WDR1: variants seen among roughly 807,000 people sequenced by gnomAD.
The protein encoded by WDR1 is WD repeat-containing protein 1.
A neutral mutation model predicts 71.9 loss-of-function variants in WDR1; 21 were observed. That is an observed-to-expected ratio of 0.29 (90% CI 0.21 to 0.42). WDR1 has a LOEUF of 0.42. WDR1 is among the 10% of genes least tolerant of loss of function. The pLI is 1.00. For synonymous variants in WDR1, 424 were observed against 347.4 expected (o/e 1.22, Z -2.45); for missense variants, 696 against 824.5 (o/e 0.84, Z 1.91).
At chr4:10,090,779 G>A (rs1711922231) in intron 5 of WDR1, among the ~76,000 whole-genome samples, 1 of 152,250 alleles carries the variant, frequency 6.6e-6, no homozygotes, top group Non-Finnish European at 1.5e-5. Context: ...CTGACAAGGG[G>A]AGTCCCAGTG....
chr4:10,077,997 G>A (rs958413761), intron 12 of WDR1, 71 bp from the exon 13 acceptor site: 8 of 1,466,898 alleles, frequency 5.5e-6, no homozygotes, highest in Admixed American at 5.0e-5. Flanking sequence ...TGTGAAGGGG[G>A]GGTCGAGGGC....
At chr4:10,087,679 G>T (rs1172240150) in intron 8 of WDR1, 28 bp downstream of exon 8, 1 of 1,547,592 alleles carries the variant, frequency 6.5e-7, no homozygotes, top group Admixed American at 2.0e-5. Flanking sequence ...CACCCAGCGG[G>T]CAGAGCCTTC....
chr4:10,106,664 G>A (rs185196295), intron 2 of WDR1: 1 of 152,342 alleles, frequency 6.6e-6, no homozygotes, highest in African/African-American at 2.4e-5. Flanking sequence ...TCCCCTAAAT[G>A]GTCAGGGCTG....
At chr4:10,095,898 T>C (rs796413780) in intron 5 of WDR1, 22 of 152,384 alleles carry the variant, frequency 1.4e-4, no homozygotes, top group African/African-American at 4.8e-4. Context: ...GCAGGGCCCA[T>C]GGTTGTGGGT....
At chr4:10,093,268 T>C in intron 5 of WDR1, 2 of 608,252 alleles carry the variant, frequency 3.3e-6, no homozygotes, top group South Asian at 1.7e-5. Context: ...CCTTAGGCTG[T>C]TCACATGCCT....
chr4:10,090,016 GAC>G (rs1711866004), intron 5 of WDR1, among the ~76,000 whole-genome samples: 1 of 152,156 alleles, frequency 6.6e-6, no homozygotes, highest in African/African-American at 2.4e-5. Context: ...GGGAAATCTG[GAC>G]ACAGATACAG....
At chr4:10,115,991 G>A (rs1225057427) in intron 2 of WDR1, 122 bp downstream of exon 2, 1 of 1,362,636 alleles carries the variant, frequency 7.3e-7, no homozygotes, top group Non-Finnish European at 1.0e-6. Context: ...CGGTAGAGGG[G>A]GCGTGGCGCC....
chr4:10,104,105 G>A (rs953857455), intron 2 of WDR1, 119 bp from the exon 3 acceptor site: 156 of 1,104,666 alleles, frequency 1.4e-4, no homozygotes, highest in African/African-American at 6.2e-5. Context: ...AGCTAAAACC[G>A]TGAAGAAAAC....
intron 2 of WDR1, among the ~76,000 whole-genome samples, chr4:10,108,954 T>C (rs1408863137): frequency 2.0e-5 from 3 of 152,102 alleles, no homozygotes; most frequent in Non-Finnish European, 4.4e-5. Context: ...GACACCAGAG[T>C]GGGGAAGGTT....
chr4:10,104,140 G>A (rs1487965977), intron 2 of WDR1, among the ~76,000 whole-genome samples, 154 bp from the exon 3 acceptor site: 2 of 152,200 alleles, frequency 1.3e-5, no homozygotes, highest in African/African-American at 4.8e-5. Context: ...ACTTGCCTAC[G>A]TATCTACTGC....
chr4:10,098,499 A>G (rs1712492482), intron 4 of WDR1, among the ~76,000 whole-genome samples: 1 of 152,090 alleles, frequency 6.6e-6, no homozygotes, highest in African/African-American at 2.4e-5. Flanking sequence ...TTCGGCACCA[A>G]CCTCACCAGT....
chr4:10,113,739 T>C (rs4348091), intron 2 of WDR1, among the ~76,000 whole-genome samples: 45,682 of 152,144 alleles, frequency 0.3, 7,076 homozygotes, highest in East Asian at 0.46. Flanking sequence ...ATTCTGAAGA[T>C]ACTTTGAATG....
chr4:10,106,450 G>T (rs2108800087), intron 2 of WDR1: 1 of 152,392 alleles, frequency 6.6e-6, no homozygotes, highest in East Asian at 1.9e-4. Flanking sequence ...GATGGGGGAG[G>T]TCTCACGCTC....
chr4:10,105,911 C>T (rs566353972), intron 2 of WDR1, among the ~76,000 whole-genome samples: 24 of 152,298 alleles, frequency 1.6e-4, no homozygotes, highest in South Asian at 2.1e-4. Flanking sequence ...GGCAACACAC[C>T]GCACTGCTTA....
chr4:10,110,018 C>T (rs1388598348), intron 2 of WDR1, among the ~76,000 whole-genome samples: 1 of 152,154 alleles, frequency 6.6e-6, no homozygotes, highest in East Asian at 1.9e-4. Context: ...CACCAAGTTT[C>T]AGCCACAGAC....
At chr4:10,093,290 G>A (rs989346851) in intron 5 of WDR1, 4 of 457,414 alleles carry the variant, frequency 8.7e-6, no homozygotes, top group Non-Finnish European at 1.5e-5. Context: ...TGAGCTGGTA[G>A]AAGGGGACAG....
At chr4:10,083,947 C>G (rs1765110132) in intron 9 of WDR1, among the ~76,000 whole-genome samples, 1 of 152,270 alleles carries the variant, frequency 6.6e-6, no homozygotes, top group Non-Finnish European at 1.5e-5. Flanking sequence ...CCAGCCCTGG[C>G]TCTGTGGACC....
chr4:10,097,291 T>C (rs1340285319), intron 5 of WDR1, among the ~76,000 whole-genome samples: 1 of 152,274 alleles, frequency 6.6e-6, no homozygotes, highest in Non-Finnish European at 1.5e-5. Context: ...ATCACTGCCC[T>C]CACTGTCTCT....
rs143909619 is a variant in WDR1, at chr4:10,083,322, G to A, written c.1040-144C>T. ...AACCATTCCCCCTGGGAAGCCTGCAGTGTCCACTGTTGACACGTTCTTAGG... is the reference window on the plus strand; with the variant it reads ...AACCATTCCCCCTGGGAAGCCTGCAATGTCCACTGTTGACACGTTCTTAGG... On this transcript the variant is annotated intron_variant, in intron 9 of 14. Coordinates refer to ENST00000499869, the MANE Select transcript of WDR1 (RefSeq NM_017491.5). The A allele has an allele frequency of 1.4e-3, 1,518 of 1,064,464 alleles. 14 individuals are homozygous for A. In the Middle Eastern group the frequency reaches 0.028, roughly 20 times the overall value. 65.9% of individuals were successfully genotyped at this position (1,064,464 alleles called of 1,614,324 possible). A position where few individuals can be genotyped will look rare whatever the true frequency, so the allele number is the denominator to read the frequency against.
Sources: gnomAD v4.1 joint callset for allele counts (sites outside exome capture counted in the v4.1 genomes callset) on GRCh38, gnomAD v4.1.1 for gene constraint, MANE v1.5 for transcripts, NCBI Gene and HGNC (gene_info 2026-07-23, HGNC 2026-07-21) for gene names.